The following SMIM20 variants were observed in gnomAD, a reference collection of about 807,000 sequenced individuals.
SMIM20 encodes small integral membrane protein 20, also known as mitochondrial translation regulation assembly intermediate of cytochrome c oxidase protein of 7 kDa.
Under a neutral mutation model 8.7 loss-of-function variants are expected in SMIM20, and 3 were observed. The observed-to-expected ratio is 0.34, with a 90% CI of 0.16 to 0.89. SMIM20 has a LOEUF of 0.89. SMIM20 is among the 40% of genes least tolerant of loss of function. SMIM20 has a pLI of 0.49. For missense variants in SMIM20, 85 were observed against 84.8 expected, an observed-to-expected ratio of 1.00 and a Z score of -0.01; for synonymous variants, 44 against 33.6, an observed-to-expected ratio of 1.31 and a Z score of -1.07.
Position 25,914,266 on chromosome 4 carries a change from G to C in SMIM20, c.-48G>C, listed in dbSNP as rs1257188224. On this transcript the variant is annotated 5_prime_UTR_variant, in exon 1 of 3. Transcript: ENST00000506197. ...CCCGGCCGTCGGTAACCTGGTTTCC[G>C]AGAGTGCCGGGCGGTCGGCGGGTCA... The C allele has an allele frequency of 6.6e-7, 1 of 1,524,934 alleles. No homozygotes were observed. The highest frequency in any genetic ancestry group is 8.8e-7 in the Non-Finnish European group (1 of 1,130,552). 94.5% of individuals were successfully genotyped at this position (1,524,934 alleles called of 1,614,324 possible).
At chr4:25,918,889 CTTTTTT>C (rs775952783) in intron 1 of SMIM20, among the ~76,000 whole-genome samples, 1 of 91,694 alleles carries the variant, frequency 1.1e-5, no homozygotes, top group Non-Finnish European at 2.2e-5. Flanking sequence ...ATGTGAATAT[CTTTTTT>C]TTTTTTTTTT....
At chr4:25,920,466 T>C (rs1035089394) in intron 1 of SMIM20, among the ~76,000 whole-genome samples, 4 of 152,226 alleles carry the variant, frequency 2.6e-5, no homozygotes, top group African/African-American at 9.6e-5. Context: ...AATATTTTTG[T>C]ACAGCTGTAG....
chr4:25,919,576 G>C (rs913020701), intron 1 of SMIM20, among the ~76,000 whole-genome samples: 3 of 151,886 alleles, frequency 2.0e-5, no homozygotes, highest in African/African-American at 4.8e-5. Context: ...TCAAACTCCT[G>C]AGCTCAGGCA....
chr4:25,927,880 C>A (rs1159646915), intron 1 of SMIM20, among the ~76,000 whole-genome samples: 1 of 152,256 alleles, frequency 6.6e-6, no homozygotes, highest in Non-Finnish European at 1.5e-5. Flanking sequence ...GCATATTTAG[C>A]TCTGAGTCTA....
chr4:25,929,128 G>A (rs1292155179), intron 2 of SMIM20, 26 bp from the exon 3 acceptor site: 33 of 1,551,202 alleles, frequency 2.1e-5, no homozygotes, highest in Non-Finnish European at 2.9e-5. Context: ...AATGAATCCT[G>A]TTTTTGTTCC....
At chr4:25,916,280 G>A (rs766381669) in intron 1 of SMIM20, among the ~76,000 whole-genome samples, 1 of 151,056 alleles carries the variant, frequency 6.6e-6, no homozygotes, top group Non-Finnish European at 1.5e-5. Context: ...GCCTGATCTC[G>A]GCGCACTGCA....
chr4:25,924,648 G>A (rs1435860661), intron 1 of SMIM20, among the ~76,000 whole-genome samples: 3 of 152,014 alleles, frequency 2.0e-5, no homozygotes, highest in Non-Finnish European at 4.4e-5. Context: ...ATAGTTATAT[G>A]TACTATATAT....
chr4:25,925,929 A>G (rs1438502954), intron 1 of SMIM20, among the ~76,000 whole-genome samples: 1 of 152,336 alleles, frequency 6.6e-6, no homozygotes, highest in Non-Finnish European at 1.5e-5. Flanking sequence ...AACGTCCTCA[A>G]TTAAAACTAC....
intron 1 of SMIM20, among the ~76,000 whole-genome samples, chr4:25,917,283 G>C (rs897742875): frequency 1.3e-5 from 2 of 151,902 alleles, no homozygotes; most frequent in African/African-American, 4.8e-5. Context: ...AGCCCTGCCT[G>C]TTTCCTCATC....
rs1711564220 is a variant in SMIM20 at position 25,928,325 on chromosome 4, C to T, written c.122C>T (p.Ala41Val). 1 of 1,549,848 alleles carries T rather than the reference C, an allele frequency of 6.5e-7. No individual in the cohort carries two copies. Among genetic ancestry groups the T allele is most frequent in the African/African-American group, 1.4e-5 (1 of 72,876 alleles). ...MRLEEYKKEQ[A>V]INRAGIVQED... ...TTATGTTTCTCAGAGAAGGAACAAG[C>T]TATAAATCGGGCTGGAATTGTTCAA... is the stretch of plus-strand genomic sequence containing the variant. Residue 41 changes from alanine to valine, a missense_variant, in exon 2 of 3, where the codon GCT (alanine) becomes GTT (valine). By Grantham distance (64) the Ala-to-Val change is moderately conservative. Transcript: ENST00000506197.
intron 1 of SMIM20, among the ~76,000 whole-genome samples, chr4:25,926,123 C>T (rs1031703784): frequency 4.6e-5 from 7 of 152,226 alleles, no homozygotes; most frequent in Admixed American, 2.0e-4. Flanking sequence ...AAACCCCTGA[C>T]TTCTGCCATT....
intron 1 of SMIM20, 87 bp from the exon 2 acceptor site, chr4:25,928,226 G>T: frequency 3.8e-6 from 5 of 1,303,336 alleles, no homozygotes; most frequent in Non-Finnish European, 4.3e-6. Context: ...TTTTCTAATT[G>T]TCCCATGTCA....
intron 1 of SMIM20, among the ~76,000 whole-genome samples, chr4:25,923,996 C>A (rs1055670591): frequency 6.6e-6 from 1 of 152,044 alleles, no homozygotes; most frequent in Non-Finnish European, 1.5e-5. Flanking sequence ...CACACTTGCT[C>A]CTGTGGTCAT....
intron 1 of SMIM20, among the ~76,000 whole-genome samples, chr4:25,919,745 AT>A (rs1295832752): frequency 1.3e-5 from 2 of 151,866 alleles, no homozygotes; most frequent in Non-Finnish European, 2.9e-5. Flanking sequence ...TTTAAATTCT[AT>A]TTTTGTTCTT....
At chr4:25,922,501 A>T (rs1719217581) in intron 1 of SMIM20, among the ~76,000 whole-genome samples, 1 of 152,196 alleles carries the variant, frequency 6.6e-6, no homozygotes, top group African/African-American at 2.4e-5. Context: ...ACTCTAGGCC[A>T]TCCTCTCCTT....
intron 1 of SMIM20, among the ~76,000 whole-genome samples, chr4:25,920,671 C>T (rs1719180345): frequency 1.3e-5 from 2 of 152,198 alleles, no homozygotes; most frequent in South Asian, 2.1e-4. Flanking sequence ...TAGGCCTTCA[C>T]ATTCACTCAC....
intron 1 of SMIM20, among the ~76,000 whole-genome samples, chr4:25,922,991 C>T (rs959470077): frequency 1.3e-5 from 2 of 152,218 alleles, no homozygotes; most frequent in African/African-American, 4.8e-5. Flanking sequence ...TTCATTTTGG[C>T]GTTCAGCATG....
chr4:25,921,197 G>A (rs1300757856), intron 1 of SMIM20, among the ~76,000 whole-genome samples: 1 of 152,158 alleles, frequency 6.6e-6, no homozygotes, highest in African/African-American at 2.4e-5. Flanking sequence ...CAGAGTGGTG[G>A]CTATGGGAGT....
intron 2 of SMIM20, 150 bp from the exon 3 acceptor site, chr4:25,929,004 G>A (rs1054745105): frequency 4.6e-6 from 4 of 877,962 alleles, no homozygotes; most frequent in Non-Finnish European, 6.7e-6. Flanking sequence ...GCCATTTAAT[G>A]CCAAGGTTCC....
Sources: allele counts gnomAD v4.1 joint callset (sites outside exome capture counted in the v4.1 genomes callset), GRCh38; gene constraint gnomAD v4.1.1; transcripts MANE v1.5; gene names NCBI Gene and HGNC (gene_info 2026-07-23, HGNC 2026-07-21).